Variants in INSL6 observed in about 807,000 individuals in gnomAD.
INSL6 encodes insulin like 6.
In INSL6, 16 loss-of-function variants were observed where a neutral mutation model predicts 9.4. The observed-to-expected ratio is 1.70, with a 90% CI of 1.15 to 2.59. The LOEUF (loss-of-function observed/expected upper bound fraction) is 2.59, where lower values mean the gene tolerates loss of function less well. INSL6 is among the 30% of genes most tolerant of loss of function. The pLI, the probability that INSL6 is intolerant of heterozygous loss-of-function variation, is 0.00. For missense variants in INSL6, 391 were observed against 257.3 expected (o/e 1.52, Z -3.56); for synonymous variants, 154 against 96.9 (o/e 1.59, Z -3.46).
the INSL6 span, chr9:5,077,348 T>C: frequency 2.5e-6 from 1 of 392,450 alleles, no homozygotes; most frequent in Non-Finnish European, 4.2e-6. Context: ...GCCAATTTAA[T>C]TTCTTTACCT....
At chr9:5,017,460 C>A in the INSL6 span, among the ~76,000 whole-genome samples, 1 of 152,066 alleles carries the variant, frequency 6.6e-6, no homozygotes, top group African/African-American at 2.4e-5. Context: ...TAATCTTTTC[C>A]ATCATTTTTA....
chr9:5,085,549 A>G, the INSL6 span: 152,457 of 701,514 alleles, frequency 0.22, 17,095 homozygotes, highest in Middle Eastern at 0.23. Context: ...TCGGGTTAAA[A>G]TAGATATAAC....
chr9:5,043,405 A>G, the INSL6 span, among the ~76,000 whole-genome samples: 1 of 152,236 alleles, frequency 6.6e-6, no homozygotes, highest in Non-Finnish European at 1.5e-5. Flanking sequence ...CGATGGGATA[A>G]TAATAGGTCT....
chr9:5,113,842 T>A, the INSL6 span: 1 of 196,368 alleles, frequency 5.1e-6, no homozygotes, highest in Middle Eastern at 1.2e-3. Context: ...GGTCAGTACC[T>A]TCAGCATCTA....
the INSL6 span, among the ~76,000 whole-genome samples, chr9:5,021,442 T>A: frequency 6.6e-6 from 1 of 152,192 alleles, no homozygotes; most frequent in African/African-American, 2.4e-5. Context: ...GGTTGTTAAC[T>A]GGAATTTTAT....
the INSL6 span, among the ~76,000 whole-genome samples, chr9:5,039,503 T>C: frequency 2.0e-5 from 3 of 152,118 alleles, no homozygotes; most frequent in South Asian, 6.2e-4. Flanking sequence ...TTTTGGTATG[T>C]GTGGGAGGTT....
At chr9:5,176,922 A>G (rs1159881233) in intron 1 of INSL6, among the ~76,000 whole-genome samples, 3 of 152,204 alleles carry the variant, frequency 2.0e-5, no homozygotes, top group African/African-American at 7.2e-5. Flanking sequence ...AGGTATTTAC[A>G]ATAGCTAAAG....
chr9:5,047,342 GA>G, the INSL6 span, among the ~76,000 whole-genome samples: 1 of 152,210 alleles, frequency 6.6e-6, no homozygotes, highest in African/African-American at 2.4e-5. Context: ...GTACCTGTAG[GA>G]AGACAGATTT....
chr9:5,077,581 GT>G, the INSL6 span: 1 of 1,473,648 alleles, frequency 6.8e-7, no homozygotes, highest in Non-Finnish European at 9.0e-7. Context: ...GCATTTTCTA[GT>G]AAGTAGTACA....
At chr9:5,001,112 C>T in the INSL6 span, among the ~76,000 whole-genome samples, 12 of 152,314 alleles carry the variant, frequency 7.9e-5, no homozygotes, top group East Asian at 1.2e-3. Flanking sequence ...GTAGAATCCT[C>T]AGCATTTTTG....
At chr9:5,159,783 A>G (rs7037493), downstream of INSL6, among the ~76,000 whole-genome samples, 16,408 of 152,252 alleles carry the variant, frequency 0.11, 2,745 homozygotes, top group African/African-American at 0.36. Context: ...AATCTGCACT[A>G]TAGAACAAAC....
chr9:5,164,681 C>T (rs1825008727), intron 1 of INSL6, among the ~76,000 whole-genome samples: 1 of 152,174 alleles, frequency 6.6e-6, no homozygotes, highest in South Asian at 2.1e-4. Context: ...AATCTACTTT[C>T]TGTTTCTATG....
chr9:5,116,734 G>C, the INSL6 span, among the ~76,000 whole-genome samples: 6 of 152,194 alleles, frequency 3.9e-5, no homozygotes, highest in Admixed American at 2.6e-4. Flanking sequence ...CTGTCCCTTA[G>C]TAGAAAGGCT....
the INSL6 span, chr9:5,114,778 A>G: frequency 1.2e-5 from 4 of 320,182 alleles, no homozygotes; most frequent in South Asian, 1.1e-4. Flanking sequence ...CAGACCGTCA[A>G]GTAACTGTTG....
the INSL6 span, among the ~76,000 whole-genome samples, chr9:5,055,461 A>G: frequency 6.6e-6 from 1 of 152,034 alleles, no homozygotes; most frequent in East Asian, 1.9e-4. Context: ...TCCTGGCATC[A>G]TTTAATGCCC....
downstream of INSL6, chr9:5,123,107 A>G (rs774539976): frequency 1.9e-6 from 3 of 1,598,224 alleles, no homozygotes; most frequent in Non-Finnish European, 2.6e-6. Context: ...TGAGAAGAGT[A>G]AAAGTCCACC....
intron 3 of INSL6, chr9:5,127,044 A>G (rs1284970945): frequency 5.5e-5 from 16 of 289,726 alleles, no homozygotes; most frequent in Non-Finnish European, 9.1e-5. Context: ...GTCAGTTAAC[A>G]TCACTCTTGT....
intron 2 of INSL6, among the ~76,000 whole-genome samples, chr9:5,136,915 G>A (rs199819781): frequency 6.6e-6 from 1 of 152,150 alleles, no homozygotes; most frequent in Non-Finnish European, 1.5e-5. Context: ...TAAGCAACTT[G>A]AGCGAAGTCT....
At chr9:5,043,019 C>G in the INSL6 span, among the ~76,000 whole-genome samples, 2 of 152,228 alleles carry the variant, frequency 1.3e-5, no homozygotes, top group Admixed American at 1.3e-4. Context: ...CGCGGCTCGG[C>G]CCCTGGGCCC....
Sources: allele counts gnomAD v4.1 joint callset (sites outside exome capture counted in the v4.1 genomes callset), GRCh38; gene constraint gnomAD v4.1.1; transcripts MANE v1.5; gene names NCBI Gene and HGNC (gene_info 2026-07-23, HGNC 2026-07-21).